The following TBCD variants were observed in gnomAD, a reference collection of about 807,000 sequenced individuals.
TBCD encodes the protein tubulin folding cofactor D.
Under a neutral mutation model 169.3 loss-of-function variants are expected in TBCD, and 105 were observed. That is an observed-to-expected ratio of 0.62 (90% confidence interval 0.53 to 0.73). The LOEUF is 0.73. Among genes scored for constraint, TBCD ranks in the 30% least tolerant of loss-of-function variants. The probability of loss-of-function intolerance (pLI) is 0.00; values close to 1 mark genes in which losing one functional copy is unlikely to be tolerated. For synonymous variants in TBCD, 700 were observed against 643.9 expected, an observed-to-expected ratio of 1.09 and a Z score of -1.32; for missense variants, 1,444 against 1,600.1, an observed-to-expected ratio of 0.90 and a Z score of 1.66.
intron 13 of TBCD, among the ~76,000 whole-genome samples, chr17:82,861,799 T>C (rs1204739069): frequency 6.6e-6 from 1 of 152,214 alleles, no homozygotes; most frequent in African/African-American, 2.4e-5. Context: ...TAATAGGGAA[T>C]TTTCTAGTAA....
At chr17:82,876,634 G>T (rs1237033184) in intron 14 of TBCD, among the ~76,000 whole-genome samples, 1 of 151,662 alleles carries the variant, frequency 6.6e-6, no homozygotes, top group Non-Finnish European at 1.5e-5. Context: ...TGTTAAATTT[G>T]TTGTAAGTCC....
chr17:82,817,614 A>T (rs1480503368), intron 13 of TBCD, among the ~76,000 whole-genome samples: 1 of 151,994 alleles, frequency 6.6e-6, no homozygotes, highest in Admixed American at 6.6e-5. Flanking sequence ...CTGGCTAATT[A>T]AAAAAGTTTT....
In TBCD at chr17:82,927,193, C is replaced by G. The variant is rs767474574; in HGVS notation, c.2479C>G (p.Gln827Glu). ...ACACATTTTAAATTTCAGGATTTGCCAGACTGTTGGTGTGAAAGCAGGAGC... is the reference window on the plus strand; with the variant it reads ...ACACATTTTAAATTTCAGGATTTGCGAGACTGTTGGTGTGAAAGCAGGAGC... ...DGLKAIARIC[Q>E]TVGVKAGAPD... Residue 827 changes from glutamine (Q) to glutamate (E), a missense_variant, in exon 29 of 39, where the codon CAG (glutamine) becomes GAG (glutamate). By Grantham distance (29) the Gln-to-Glu change is conservative. Transcript: ENST00000355528. 4 of 1,613,642 alleles carry G rather than the reference C, an allele frequency of 2.5e-6. No homozygotes were observed. Among genetic ancestry groups the G allele is most frequent in the East Asian group, 2.2e-5 (1 of 44,896 alleles).
At chr17:82,797,871 C>T in intron 8 of TBCD, 69 bp downstream of exon 8, 1 of 1,225,298 alleles carries the variant, frequency 8.2e-7, no homozygotes, top group Non-Finnish European at 1.1e-6. Flanking sequence ...AAGTGTCTTT[C>T]CTTAACATTT....
intron 22 of TBCD, among the ~76,000 whole-genome samples, chr17:82,911,368 C>T (rs1245272298): frequency 6.6e-6 from 1 of 151,560 alleles, no homozygotes; most frequent in Non-Finnish European, 1.5e-5. Context: ...CAGCCCGGAG[C>T]TCCGCCTAGC....
In TBCD at chr17:82,922,002, G is replaced by C. The variant is rs1000794456; in HGVS notation, c.2178+425G>C. Among the ~76,000 whole-genome samples, 5 of 151,608 alleles carry C rather than the reference G, an allele frequency of 3.3e-5. No homozygotes were observed. The East Asian group carries it at 9.7e-4, about 29-fold the overall frequency. The stretch of plus-strand genomic sequence containing the variant: ...ACCTGGTCATGTTGTGTGGGTGCCA[G>C]TGTGTGTGTGTGTCCCCGGCCACCT... On this transcript the variant is annotated intron_variant, in intron 25 of 38. Coordinates refer to ENST00000355528, the MANE Select transcript of TBCD (RefSeq NM_005993.5). The surrounding 1 kb of genome is among the most constrained non-coding windows in gnomAD (Gnocchi z 4.1).
chr17:82,792,408 T>C (rs1459508933), intron 7 of TBCD, among the ~76,000 whole-genome samples: 4 of 152,228 alleles, frequency 2.6e-5, no homozygotes, highest in African/African-American at 9.6e-5. Flanking sequence ...TAAAATCCTT[T>C]TATGGGCTCA....
chr17:82,850,986 G>T (rs1437223747), intron 13 of TBCD, among the ~76,000 whole-genome samples: 2 of 152,182 alleles, frequency 1.3e-5, no homozygotes, highest in East Asian at 1.9e-4. Flanking sequence ...CAGCAGAGGC[G>T]ACTGGCATGA....
chr17:82,839,432 C>T (rs573026728), intron 13 of TBCD, among the ~76,000 whole-genome samples: 15 of 151,836 alleles, frequency 9.9e-5, no homozygotes, highest in Non-Finnish European at 8.8e-5. Flanking sequence ...AATGTACATA[C>T]ACCACACATA....
intron 2 of TBCD, 82 bp downstream of exon 2, chr17:82,756,297 G>A (rs2047397882): frequency 1.5e-5 from 21 of 1,390,716 alleles, no homozygotes; most frequent in Non-Finnish European, 2.0e-5. Flanking sequence ...GCACATGCAT[G>A]TGCTTTGCCA....
intron 8 of TBCD, among the ~76,000 whole-genome samples, chr17:82,799,908 G>A (rs1236986228): frequency 1.3e-5 from 2 of 152,150 alleles, no homozygotes; most frequent in Non-Finnish European, 2.9e-5. Context: ...GAGTTAAACG[G>A]CACCTCTGCC....
At chr17:82,769,709 T>C (rs1481696117) in intron 5 of TBCD, among the ~76,000 whole-genome samples, 1 of 151,910 alleles carries the variant, frequency 6.6e-6, no homozygotes, top group Non-Finnish European at 1.5e-5. Context: ...AAACCCTGTG[T>C]CTACTAAAAA....
At chr17:82,778,005 C>T (rs1247850718) in intron 6 of TBCD, among the ~76,000 whole-genome samples, 5 of 152,274 alleles carry the variant, frequency 3.3e-5, no homozygotes, top group Non-Finnish European at 7.3e-5. Flanking sequence ...CTGGGCATAA[C>T]AGAAGGCTCG....
chr17:82,822,414 C>T (rs918487030), intron 13 of TBCD, among the ~76,000 whole-genome samples: 10 of 152,230 alleles, frequency 6.6e-5, no homozygotes, highest in African/African-American at 1.2e-4. Flanking sequence ...GCGACATTTA[C>T]GCTGAGAGCT....
intron 18 of TBCD, among the ~76,000 whole-genome samples, chr17:82,901,043 C>T (rs1055666140): frequency 8.5e-5 from 13 of 152,238 alleles, no homozygotes; most frequent in African/African-American, 2.4e-4. Flanking sequence ...GCGGACTCTG[C>T]GTTGTCTCCC....
At chr17:82,793,881 C>A in intron 7 of TBCD, among the ~76,000 whole-genome samples, 1 of 152,170 alleles carries the variant, frequency 6.6e-6, no homozygotes, top group East Asian at 1.9e-4. Context: ...GATACCATTT[C>A]TTGGTGTCGG....
Position 82,835,986 on chromosome 17 carries a change from G to A in TBCD, c.1318+21052G>A, listed in dbSNP as rs1055548441. ...ACCCTGGGCTCAGACCCCGCGCTCAGCACCCGTCTCCCACCGTGGGCTGCC... is the reference window on the plus strand; with the variant it reads ...ACCCTGGGCTCAGACCCCGCGCTCAACACCCGTCTCCCACCGTGGGCTGCC... On this transcript the variant is annotated intron_variant, in intron 13 of 38. Transcript: ENST00000355528. The surrounding 1 kb of genome is among the most constrained non-coding windows in gnomAD (Gnocchi z 4.5). Among the ~76,000 whole-genome samples, 49 of 152,156 alleles carry A rather than the reference G, an allele frequency of 3.2e-4. No homozygotes were observed. Among genetic ancestry groups the A allele is most frequent in the African/African-American group, 1.2e-3 (48 of 41,430 alleles).
chr17:82,925,212 G>A (rs780579096), intron 27 of TBCD, among the ~76,000 whole-genome samples, 155 bp downstream of exon 27: 3 of 152,246 alleles, frequency 2.0e-5, no homozygotes, highest in African/African-American at 7.2e-5. Flanking sequence ...CAGGAGGAAG[G>A]GGGCAGAGGG....
At chr17:82,838,846 C>T (rs1416662550) in intron 13 of TBCD, 9 of 985,306 alleles carry the variant, frequency 9.1e-6, no homozygotes, top group East Asian at 1.1e-4. Flanking sequence ...CGTAAACAAA[C>T]GCTCACCACT....
Sources: gnomAD v4.1 joint callset for allele counts (sites outside exome capture counted in the v4.1 genomes callset) on GRCh38, gnomAD v4.1.1 for gene constraint, Gnocchi (gnomAD v3.1) non-coding constraint, MANE v1.5 for transcripts, NCBI Gene and HGNC (gene_info 2026-07-23, HGNC 2026-07-21) for gene names.